DENND1A: variants seen among roughly 807,000 people sequenced by gnomAD.
DENND1A encodes DENN domain-containing protein 1A.
In DENND1A, 51 loss-of-function variants were observed where a neutral mutation model predicts 113.7. The observed-to-expected ratio is 0.45, with a 90% CI of 0.36 to 0.57. The LOEUF is 0.57. Among genes scored for constraint, DENND1A ranks in the 20% least tolerant of loss-of-function variants. DENND1A has a pLI of 0.00. For synonymous variants in DENND1A, 565 were observed against 570.8 expected, an observed-to-expected ratio of 0.99 and a Z score of 0.14; for missense variants, 1,258 against 1,395.9, an observed-to-expected ratio of 0.90 and a Z score of 1.57.
chr9:123,468,091 G>T (rs2049103423), intron 13 of DENND1A, among the ~76,000 whole-genome samples: 1 of 152,256 alleles, frequency 6.6e-6, no homozygotes, highest in East Asian at 1.9e-4. Flanking sequence ...GTTCCTAGAA[G>T]GCAGGCTCTG....
At chr9:123,557,478 A>G (rs2057485152) in intron 13 of DENND1A, 92 bp downstream of exon 13, 1 of 1,541,794 alleles carries the variant, frequency 6.5e-7, no homozygotes, top group South Asian at 1.2e-5. Flanking sequence ...GAATCTGGAA[A>G]CCAGAAGAAT....
intron 9 of DENND1A, among the ~76,000 whole-genome samples, chr9:123,648,875 G>C (rs1053463458): frequency 6.6e-6 from 1 of 152,084 alleles, no homozygotes. Flanking sequence ...ATTCCCCAGA[G>C]ATGCTACAAT....
chr9:123,389,963 C>T (rs766413076), intron 21 of DENND1A, among the ~76,000 whole-genome samples: 7 of 152,196 alleles, frequency 4.6e-5, no homozygotes, highest in South Asian at 2.1e-4. Context: ...GCCTCCCCTG[C>T]GGCCATGCTT....
intron 19 of DENND1A, among the ~76,000 whole-genome samples, chr9:123,435,499 G>A (rs1191997637): frequency 6.6e-6 from 1 of 152,206 alleles, no homozygotes; most frequent in African/African-American, 2.4e-5. Context: ...ACATTAAAGA[G>A]GTTTAGAAAC....
intron 5 of DENND1A, among the ~76,000 whole-genome samples, chr9:123,720,309 A>C (rs937201126): frequency 6.6e-5 from 10 of 152,316 alleles, no homozygotes; most frequent in African/African-American, 2.4e-4. Context: ...CAGCTGCCTC[A>C]GCCAGGGCTC....
rs79895447 is a variant in DENND1A at position 123,776,890 on chromosome 9, C to T, written c.133-7327G>A. 1.3e-4 allele frequency among the ~76,000 whole-genome samples: 20 copies of T among 152,330 alleles called. No homozygotes were observed. The East Asian group carries it at 3.5e-3, about 26-fold the overall frequency. On this transcript the variant is annotated intron_variant, in intron 3 of 23. Coordinates refer to ENST00000394215, the MANE Select transcript of DENND1A (RefSeq NM_001352964.2). ...GGACAGCTTAGAAGCTGGCACGCTA[C>T]ATAAATATTCAGAAGGAAGATTATA... is the stretch of plus-strand genomic sequence containing the variant.
rs78737257 is a variant in DENND1A, at chr9:123,460,975, G to A, written c.994-3078C>T. Among the ~76,000 whole-genome samples, 426 of 152,240 alleles carry A rather than the reference G, an allele frequency of 2.8e-3. 13 individuals carry two copies. The East Asian group carries it at 0.064, about 23-fold the overall frequency. ...ATGTGGCACACACAAGGGCCCAATA[G>A]GGGTGAGGAAAGGGAGAGCTCCTTA... On this transcript the variant is annotated intron_variant, in intron 13 of 23. Transcript: ENST00000394215.
chr9:123,791,135 AAATTCCCTCTCACT>A (rs1459345076), intron 3 of DENND1A, among the ~76,000 whole-genome samples: 1 of 152,150 alleles, frequency 6.6e-6, no homozygotes, highest in Non-Finnish European at 1.5e-5. Flanking sequence ...TTCTCCTATA[AAATTCCCTCTCACT>A]GAGAATTCAG....
In DENND1A at chr9:123,618,757, C is replaced by T. The variant is rs1400203051; in HGVS notation, c.720-9276G>A. On this transcript the variant is annotated intron_variant, in intron 10 of 23. Transcript: ENST00000394215. Reference sequence around the variant, plus strand: ...TCTTTAACCCTGAAAGTCTCAGTAACGCTGGGAGTGACACTGCTGAGGCCA... The same window carrying T: ...TCTTTAACCCTGAAAGTCTCAGTAATGCTGGGAGTGACACTGCTGAGGCCA... Among the ~76,000 whole-genome samples, 7 of 152,142 alleles carry T rather than the reference C, an allele frequency of 4.6e-5. No individual in the cohort carries two copies. The East Asian group carries it at 9.6e-4, about 21-fold the overall frequency.
intron 2 of DENND1A, among the ~76,000 whole-genome samples, chr9:123,874,384 C>T (rs1423459609): frequency 1.3e-5 from 2 of 151,976 alleles, no homozygotes; most frequent in African/African-American, 4.8e-5. Flanking sequence ...TAAACAATTT[C>T]TTATAAACCA....
At chr9:123,721,261 G>A (rs2067313290) in intron 5 of DENND1A, among the ~76,000 whole-genome samples, 1 of 152,206 alleles carries the variant, frequency 6.6e-6, no homozygotes. Flanking sequence ...CATGACCTGT[G>A]AGGTCCTTGC....
At chr9:123,558,694 G>A (rs139093128) in intron 12 of DENND1A, among the ~76,000 whole-genome samples, 1 of 152,288 alleles carries the variant, frequency 6.6e-6, no homozygotes, top group East Asian at 1.9e-4. Context: ...TGTGTGACAT[G>A]GTGGCTGTTG....
At chr9:123,395,049 G>T (rs572249787) in intron 21 of DENND1A, among the ~76,000 whole-genome samples, 1 of 152,354 alleles carries the variant, frequency 6.6e-6, no homozygotes, top group East Asian at 1.9e-4. Flanking sequence ...AGGGAGCTTA[G>T]CCAAGACAAC....
At chr9:123,629,435 C>G (rs983281232) in intron 10 of DENND1A, among the ~76,000 whole-genome samples, 1 of 152,200 alleles carries the variant, frequency 6.6e-6, no homozygotes, top group Non-Finnish European at 1.5e-5. Flanking sequence ...CAAAGACAGT[C>G]TGTTTTGGTA....
At chr9:123,795,754 C>T (rs963822484) in intron 2 of DENND1A, among the ~76,000 whole-genome samples, 12 of 152,270 alleles carry the variant, frequency 7.9e-5, no homozygotes, top group East Asian at 7.7e-4. Context: ...TAATTGCTAA[C>T]GTTCCAAAAC....
chr9:123,381,927 C>T lies in DENND1A; in HGVS notation c.2718G>A (p.Leu906=), dbSNP rs774751987. 10 of 173,692 alleles carry T rather than the reference C, an allele frequency of 5.8e-5. No individual in the cohort carries two copies. The African/African-American group carries it at 6.0e-4, about 10-fold the overall frequency. The allele number at this position is 173,692 out of a possible 1,614,324, so 10.8% of individuals were successfully genotyped here. The change falls in exon 24 of 24, where the codon CTG becomes CTA. Residue 906 remains leucine, a synonymous_variant. Transcript: ENST00000394215. This position sits in a 1 kb window ranked among gnomAD's most constrained non-coding sequence, Gnocchi z 4.7. ...VPSMPAAPPT[L]PLVSTPAGPF... ...GCCCGGCTGGTGTGGAGACCAGGGG[C>T]AGGGTGGGTGGGGCTGCTGGCATGG...
chr9:123,839,438 A>G (rs1352243477), intron 2 of DENND1A, among the ~76,000 whole-genome samples: 2 of 152,212 alleles, frequency 1.3e-5, no homozygotes, highest in African/African-American at 2.4e-5. Flanking sequence ...AAGGGATTCA[A>G]TTAAACACAT....
intron 5 of DENND1A, among the ~76,000 whole-genome samples, chr9:123,738,378 A>T (rs58016921): frequency 0.016 from 2,369 of 151,586 alleles, 68 homozygotes; most frequent in African/African-American, 0.055. Flanking sequence ...GAATAAAAAA[A>T]TTTTTCCCAA....
intron 1 of DENND1A, among the ~76,000 whole-genome samples, chr9:123,896,334 A>AAAC (rs1850758512): frequency 4.0e-5 from 6 of 150,624 alleles, no homozygotes; most frequent in African/African-American, 1.2e-4. Flanking sequence ...AACAAACAAA[A>AAAC]AAAAAAAACC....
Sources: allele counts gnomAD v4.1 joint callset (sites outside exome capture counted in the v4.1 genomes callset), GRCh38; gene constraint gnomAD v4.1.1; non-coding constraint Gnocchi (gnomAD v3.1); transcripts MANE v1.5; gene names NCBI Gene and HGNC (gene_info 2026-07-23, HGNC 2026-07-21).